ELAVL2: variants seen among roughly 807,000 people sequenced by gnomAD.
The protein encoded by ELAVL2 is ELAV-like protein 2.
A neutral mutation model predicts 34.6 loss-of-function variants in ELAVL2; 4 were observed. That is an observed-to-expected ratio of 0.12 (90% CI 0.06 to 0.26). The LOEUF (loss-of-function observed/expected upper bound fraction) is 0.26, where lower values mean the gene tolerates loss of function less well. Among genes scored for constraint, ELAVL2 ranks in the 10% least tolerant of loss-of-function variants. The pLI, the probability that ELAVL2 is intolerant of heterozygous loss-of-function variation, is 1.00. For missense variants in ELAVL2, 432 were observed against 442.8 expected (o/e 0.98, Z 0.22); for synonymous variants, 193 against 154.8 (o/e 1.25, Z -1.83).
chr9:23,836,265 A>G, the ELAVL2 span, among the ~76,000 whole-genome samples: 1 of 152,218 alleles, frequency 6.6e-6, no homozygotes, highest in African/African-American at 2.4e-5. Context: ...GAGTTGGAAG[A>G]TGTCACATAA....
At chr9:23,833,179 C>G in the ELAVL2 span, among the ~76,000 whole-genome samples, 1 of 151,352 alleles carries the variant, frequency 6.6e-6, no homozygotes, top group Non-Finnish European at 1.5e-5. Context: ...CATTATTTTC[C>G]ATAAAGTTAT....
At chr9:23,796,942 G>C (rs189050109) in intron 1 of ELAVL2, among the ~76,000 whole-genome samples, 117 of 152,210 alleles carry the variant, frequency 7.7e-4, no homozygotes, top group African/African-American at 2.5e-3. Flanking sequence ...GCATTTGAGA[G>C]ATAGCTAACT....
At chr9:23,821,334 C>T (rs2064667746) in intron 1 of ELAVL2, 1 of 152,394 alleles carries the variant, frequency 6.6e-6, no homozygotes, top group East Asian at 2.0e-4. Context: ...CCCGCCGCCC[C>T]CAACCTGCTT....
intron 1 of ELAVL2, among the ~76,000 whole-genome samples, chr9:23,800,190 T>C (rs2137596217): frequency 6.6e-6 from 1 of 152,320 alleles, no homozygotes; most frequent in African/African-American, 2.4e-5. Flanking sequence ...CTTTCATTAT[T>C]CCCATTCTGT....
At chr9:23,797,803 C>G (rs1167805455) in intron 1 of ELAVL2, among the ~76,000 whole-genome samples, 1 of 152,208 alleles carries the variant, frequency 6.6e-6, no homozygotes, top group Admixed American at 6.6e-5. Context: ...TGGCGCATGC[C>G]TGTAATCCGA....
rs192491492 is a variant in ELAVL2 at position 23,767,671 on chromosome 9, G to A, written c.-15-5422C>T. On this transcript the variant is annotated intron_variant, in intron 1 of 6. Transcript: ENST00000397312. ...GTCTGTAGTCCCAGCTACTCAGGAC[G>A]CTGAGGCAGGAGAATGGCTTGAACC... 1.8e-3 allele frequency among the ~76,000 whole-genome samples: 273 copies of A among 152,200 alleles called. 1 individual carries two copies. The highest frequency in any genetic ancestry group is 3.4e-3 in the Middle Eastern group (1 of 294).
At chr9:23,706,216 C>T (rs1229141948) in intron 3 of ELAVL2, among the ~76,000 whole-genome samples, 1 of 152,088 alleles carries the variant, frequency 6.6e-6, no homozygotes, top group Non-Finnish European at 1.5e-5. Flanking sequence ...TACCAAATCC[C>T]ACAAGGACGA....
intron 2 of ELAVL2, among the ~76,000 whole-genome samples, chr9:23,748,854 C>A (rs1381185530): frequency 6.6e-6 from 1 of 152,060 alleles, no homozygotes; most frequent in African/African-American, 2.4e-5. Flanking sequence ...AAACAATTAT[C>A]ATAATTTACT....
At chr9:23,814,814 T>G (rs996802976) in intron 1 of ELAVL2, among the ~76,000 whole-genome samples, 1 of 152,106 alleles carries the variant, frequency 6.6e-6, no homozygotes, top group Non-Finnish European at 1.5e-5. Flanking sequence ...AACAAGAAAT[T>G]CTTACTTTTG....
chr9:23,801,461 T>A (rs2061558922), intron 1 of ELAVL2, among the ~76,000 whole-genome samples: 1 of 152,104 alleles, frequency 6.6e-6, no homozygotes, highest in African/African-American at 2.4e-5. Context: ...GAATATAAAG[T>A]GTGTCTTTGC....
Position 23,787,378 on chromosome 9 carries a change from C to G in ELAVL2, c.-15-25129G>C, listed in dbSNP as rs546839844. Among the ~76,000 whole-genome samples, 96 of 151,464 alleles carry G rather than the reference C, an allele frequency of 6.3e-4. 1 individual carries two copies. The highest frequency in any genetic ancestry group is 8.7e-4 in the Non-Finnish European group (59 of 67,888). On this transcript the variant is annotated intron_variant, in intron 1 of 6. Coordinates refer to ENST00000397312, the MANE Select transcript of ELAVL2 (RefSeq NM_004432.5). ...TCCAGAGTAGCTAGGATTACAGGCA[C>G]CCGCCACCATGCCCAGCTAATTTTT...
intron 3 of ELAVL2, among the ~76,000 whole-genome samples, chr9:23,728,003 C>T (rs986981696): frequency 1.3e-5 from 2 of 152,022 alleles, no homozygotes; most frequent in Admixed American, 1.3e-4. Flanking sequence ...ATCTTCTGTA[C>T]CTTTCTAAAG....
At position 23,783,515 on chromosome 9, in the gene ELAVL2, C is replaced by A. The variant is rs992470056; in HGVS notation, c.-15-21266G>T. ...TTATTGAATAAAGGCATCAGGAATT[C>A]TTGGAGATGGAGCTTTCAAATAAGG... On this transcript the variant is annotated intron_variant, in intron 1 of 6. Coordinates refer to ENST00000397312, the MANE Select transcript of ELAVL2 (RefSeq NM_004432.5). 4.1e-6 allele frequency: 4 copies of A among 985,274 alleles called. No individual in the cohort carries two copies. The Admixed American group carries it at 2.5e-4, about 61-fold the overall frequency. The allele number at this position is 985,274 out of a possible 1,614,324, so 61.0% of individuals were successfully genotyped here.
At chr9:23,817,227 T>A (rs986978288) in intron 1 of ELAVL2, among the ~76,000 whole-genome samples, 2 of 151,120 alleles carry the variant, frequency 1.3e-5, no homozygotes, top group African/African-American at 4.8e-5. Flanking sequence ...AAATATATAC[T>A]AAGAAACTGC....
intron 1 of ELAVL2, among the ~76,000 whole-genome samples, chr9:23,801,983 G>T (rs954360708): frequency 1.8e-4 from 28 of 152,156 alleles, no homozygotes; most frequent in African/African-American, 6.5e-4. Flanking sequence ...AATGCGGGAA[G>T]CTGAAATAAA....
the ELAVL2 span, among the ~76,000 whole-genome samples, chr9:23,840,919 GA>G: frequency 2.0e-5 from 3 of 151,806 alleles, no homozygotes; most frequent in African/African-American, 7.3e-5. Context: ...ATGCTGTTAA[GA>G]AAAAAAACTA....
intron 1 of ELAVL2, among the ~76,000 whole-genome samples, chr9:23,787,572 C>CA (rs934924961): frequency 8.3e-4 from 104 of 125,952 alleles, no homozygotes; most frequent in Admixed American, 2.1e-3. Context: ...CTTAAAAAAA[C>CA]AAAAAAAAAA....
chr9:23,731,012 T>C lies in ELAVL2; in HGVS notation c.333+10A>G, dbSNP rs372854856. 6.2e-7 allele frequency: 1 copy of C among 1,603,126 alleles called. No individual in the cohort carries two copies. Among genetic ancestry groups the C allele is most frequent in the South Asian group, 1.1e-5 (1 of 88,034 alleles). On this transcript the variant is annotated intron_variant, in intron 3 of 6. Coordinates refer to ENST00000397312, the MANE Select transcript of ELAVL2 (RefSeq NM_004432.5). ...TTCCGCAAGTAGATATAAAAAAACTTTAAACATACTTTTATTGTTTTGGTT... is the reference window on the plus strand; with the variant it reads ...TTCCGCAAGTAGATATAAAAAAACTCTAAACATACTTTTATTGTTTTGGTT...
intron 4 of ELAVL2, among the ~76,000 whole-genome samples, chr9:23,702,020 A>G (rs756232484): frequency 6.6e-6 from 1 of 152,202 alleles, no homozygotes; most frequent in Non-Finnish European, 1.5e-5. Context: ...CCTGTCCTTG[A>G]AACAAGGAGA....
Sources: allele counts gnomAD v4.1 joint callset (sites outside exome capture counted in the v4.1 genomes callset), GRCh38; gene constraint gnomAD v4.1.1; transcripts MANE v1.5; gene names NCBI Gene and HGNC (gene_info 2026-07-23, HGNC 2026-07-21).